The following AGBL1 variants were observed in gnomAD, a reference collection of about 807,000 sequenced individuals.
AGBL1 encodes the protein AGBL carboxypeptidase 1.
A neutral mutation model predicts 118.9 loss-of-function variants in AGBL1; 130 were observed. The observed-to-expected ratio is 1.09, with a 90% CI of 0.95 to 1.26. The LOEUF is 1.26. Ranked by LOEUF, AGBL1 falls within the 50% of genes most tolerant of loss-of-function variation. AGBL1 has a pLI of 0.00. For synonymous variants in AGBL1, 555 were observed against 478.9 expected, an observed-to-expected ratio of 1.16 and a Z score of -2.08; for missense variants, 1,584 against 1,298.1, an observed-to-expected ratio of 1.22 and a Z score of -3.38.
chr15:86,225,473 A>G (rs944246983), intron 6 of AGBL1, among the ~76,000 whole-genome samples: 2 of 152,214 alleles, frequency 1.3e-5, no homozygotes, highest in Non-Finnish European at 2.9e-5. Flanking sequence ...GATGATGCTG[A>G]TAACAAATTT....
intron 5 of AGBL1, among the ~76,000 whole-genome samples, chr15:86,210,283 A>G (rs1350566727): frequency 6.6e-6 from 1 of 152,086 alleles, no homozygotes; most frequent in Non-Finnish European, 1.5e-5. Flanking sequence ...GAACCTGACA[A>G]TTATGTGTCT....
chr15:86,542,008 C>T (rs567585642), intron 19 of AGBL1, among the ~76,000 whole-genome samples: 1 of 152,344 alleles, frequency 6.6e-6, no homozygotes, highest in East Asian at 1.9e-4. Flanking sequence ...ATTTGGCTGA[C>T]TTCATTGACA....
chr15:86,123,468 G>C (rs1191781464), intron 1 of AGBL1, among the ~76,000 whole-genome samples: 3 of 152,186 alleles, frequency 2.0e-5, no homozygotes, highest in Non-Finnish European at 4.4e-5. Context: ...TTGAACTCCT[G>C]ACCTGAGGTG....
In AGBL1 at chr15:86,674,567, G is replaced by A. The variant is rs982694115; in HGVS notation, c.3158+131G>A. ...AATATGGAAGAATTCCCAAGTAAAG[G>A]TAGGTACACTATCTCGTTTCCTACT... On this transcript the variant is annotated intron_variant, in intron 22 of 22. Coordinates refer to ENST00000614907, the MANE Select transcript of AGBL1 (RefSeq NM_001386094.1). 2.3e-5 allele frequency: 21 copies of A among 918,788 alleles called. No individual in the cohort carries two copies. In the African/African-American group the frequency reaches 2.8e-4, roughly 12 times the overall value. The allele number at this position is 918,788 out of a possible 1,614,324, so 56.9% of individuals were successfully genotyped here.
intron 23 of AGBL1, among the ~76,000 whole-genome samples, chr15:86,927,233 A>G (rs2080551776): frequency 6.6e-6 from 1 of 152,180 alleles, no homozygotes; most frequent in African/African-American, 2.4e-5. Flanking sequence ...AATGCTATTT[A>G]GGATAAACTG....
At chr15:86,262,753 C>G in intron 9 of AGBL1, 25 bp from the exon 10 acceptor site, 1 of 1,486,158 alleles carries the variant, frequency 6.7e-7, no homozygotes, top group Non-Finnish European at 9.3e-7. Context: ...TGACTGTAAT[C>G]TCTTCTATGA....
intron 22 of AGBL1, among the ~76,000 whole-genome samples, chr15:86,871,092 T>C (rs771322477): frequency 6.6e-6 from 1 of 152,180 alleles, no homozygotes; most frequent in Non-Finnish European, 1.5e-5. Flanking sequence ...GACAAACTTA[T>C]CTGAGTGACT....
intron 22 of AGBL1, among the ~76,000 whole-genome samples, chr15:86,760,133 T>A (rs1055822258): frequency 6.6e-6 from 1 of 152,116 alleles, no homozygotes; most frequent in African/African-American, 2.4e-5. Flanking sequence ...TGCTAGTTTG[T>A]CTTTTTAGTA....
intron 21 of AGBL1, among the ~76,000 whole-genome samples, chr15:86,654,445 A>C (rs940529244): frequency 1.3e-5 from 2 of 152,184 alleles, no homozygotes; most frequent in Admixed American, 1.3e-4. Flanking sequence ...TGGAACTATT[A>C]ATAGCTGTGA....
rs971234159 is a variant in AGBL1, at chr15:86,977,778, G to A, written c.3222-10209G>A. 9.9e-5 allele frequency among the ~76,000 whole-genome samples: 15 copies of A among 151,876 alleles called. 1 individual carries two copies. Among genetic ancestry groups the A allele is most frequent in the Admixed American group, 7.9e-4 (12 of 15,238 alleles). On this transcript the variant is annotated intron_variant, in intron 23 of 24. Coordinates refer to the AGBL1 transcript ENST00000441037. ...CTACTTTTGTATGATTATTTCTGAT[G>A]TTATTTTCTCTTCTTATTGCTTACT...
intron 21 of AGBL1, among the ~76,000 whole-genome samples, chr15:86,629,702 A>G (rs1020615386): frequency 1.2e-4 from 19 of 152,284 alleles, no homozygotes; most frequent in African/African-American, 4.6e-4. Flanking sequence ...TCATTTCTGA[A>G]TAAATCTAGG....
At chr15:86,560,972 C>T (rs2083810166) in intron 21 of AGBL1, among the ~76,000 whole-genome samples, 1 of 152,158 alleles carries the variant, frequency 6.6e-6, no homozygotes, top group Admixed American at 6.5e-5. Context: ...CATTTGCCCA[C>T]TTTTTGATGT....
At chr15:86,610,756 C>T (rs752388113) in intron 21 of AGBL1, among the ~76,000 whole-genome samples, 4 of 152,164 alleles carry the variant, frequency 2.6e-5, no homozygotes, top group Admixed American at 6.6e-5. Context: ...CTTCCCTAAT[C>T]ACATGTTTTG....
chr15:86,356,403 GA>G (rs549474105), intron 17 of AGBL1, among the ~76,000 whole-genome samples: 1 of 151,562 alleles, frequency 6.6e-6, no homozygotes, highest in Non-Finnish European at 1.5e-5. Flanking sequence ...TAGGGAAAAT[GA>G]AAAAAAATAG....
Position 86,674,386 on chromosome 15 carries a change from T to C in AGBL1, c.3108T>C (p.Ala1036=), listed in dbSNP as rs2085800328. Residue 1036 remains alanine (A), a synonymous_variant, in exon 22 of 23, where the codon GCT becomes GCC. Transcript: ENST00000614907. ...ASCSHQLLAQ[A]ATLLSAEEDA... ...GCAGCCATCAGCTCCTGGCTCAAGC[T>C]GCAACTCTGCTGAGTGCTGAGGAGG... is the stretch of plus-strand genomic sequence containing the variant. 3.7e-6 allele frequency: 6 copies of C among 1,613,150 alleles called. No homozygotes were observed. In the South Asian group the frequency reaches 5.5e-5, roughly 15 times the overall value.
chr15:86,434,858 C>A (rs1274006629), intron 18 of AGBL1, among the ~76,000 whole-genome samples: 1 of 152,176 alleles, frequency 6.6e-6, no homozygotes, highest in Non-Finnish European at 1.5e-5. Flanking sequence ...GGTTTATAGT[C>A]CAGCTGTAAT....
rs762071832 is a variant in AGBL1, at chr15:86,154,546, G to A, written c.379G>A (p.Val127Met). ...CCTCCACTGTCTCTGGGCTCTGCGT[G>A]TGTTTGCCTCCAGTGGTAAGTGACT... is the stretch of plus-strand genomic sequence containing the variant. Reference protein sequence around the residue: ...NLLHCLWALRVFASSVSMGAM... With the variant: ...NLLHCLWALRMFASSVSMGAM... The change falls in exon 4 of 23, where the codon GTG (valine) becomes ATG (methionine). Residue 127 changes from valine (V) to methionine (M), a missense_variant. By Grantham distance (21) the Val-to-Met change is conservative. Transcript: ENST00000614907. The A allele has an allele frequency of 2.5e-6, 4 of 1,610,182 alleles. No homozygotes were observed. Among genetic ancestry groups the A allele is most frequent in the Non-Finnish European group, 3.4e-6 (4 of 1,177,958 alleles).
In AGBL1 at chr15:87,027,080, A is replaced by G. The variant is rs1325741461; in HGVS notation, c.3324-1745A>G. On this transcript the variant is annotated intron_variant, in intron 24 of 24. Coordinates refer to the AGBL1 transcript ENST00000441037. The stretch of plus-strand genomic sequence containing the variant: ...GTGCACCAAAATCTCACAAATCACC[A>G]CCAAAGAACTTACTCATGTCACCAA... Among the ~76,000 whole-genome samples the G allele has an allele frequency of 5.3e-5, 8 of 151,998 alleles. No homozygotes were observed. In the East Asian group the frequency reaches 1.5e-3, roughly 29 times the overall value.
intron 1 of AGBL1, among the ~76,000 whole-genome samples, chr15:86,108,668 C>T (rs1465740883): frequency 6.6e-6 from 1 of 152,080 alleles, no homozygotes. Flanking sequence ...TAACAAGGAG[C>T]GGGAGCATGG....
Sources: allele counts gnomAD v4.1 joint callset (sites outside exome capture counted in the v4.1 genomes callset), GRCh38; gene constraint gnomAD v4.1.1; transcripts MANE v1.5; gene names NCBI Gene and HGNC (gene_info 2026-07-23, HGNC 2026-07-21).